The following BMPR1B variants were observed in gnomAD, a reference collection of about 807,000 sequenced individuals.
BMPR1B encodes the protein bone morphogenetic protein receptor type-1B.
A neutral mutation model predicts 59.1 loss-of-function variants in BMPR1B; 12 were observed. That is an observed-to-expected ratio of 0.20 (90% CI 0.13 to 0.33). The LOEUF is 0.33. BMPR1B is among the 10% of genes least tolerant of loss of function. BMPR1B has a pLI of 1.00. For missense variants in BMPR1B, 550 were observed against 610.9 expected, an observed-to-expected ratio of 0.90 and a Z score of 1.05; for synonymous variants, 237 against 207.3, an observed-to-expected ratio of 1.14 and a Z score of -1.23.
At chr4:94,970,297 T>C (rs1224722715) in intron 2 of BMPR1B, among the ~76,000 whole-genome samples, 1 of 65,634 alleles carries the variant, frequency 1.5e-5, no homozygotes, top group African/African-American at 7.0e-5. Context: ...TTCTCTTCTC[T>C]TCTCTTCTTT....
chr4:94,910,270 G>A (rs897485470), intron 2 of BMPR1B, among the ~76,000 whole-genome samples: 3 of 151,912 alleles, frequency 2.0e-5, no homozygotes, highest in African/African-American at 7.3e-5. Flanking sequence ...AAAACCTTTT[G>A]GCCTCATTAG....
chr4:95,033,852 C>T (rs542154858), intron 3 of BMPR1B, among the ~76,000 whole-genome samples: 6 of 152,216 alleles, frequency 3.9e-5, no homozygotes, highest in African/African-American at 1.4e-4. Context: ...GTCACTCCCT[C>T]CCACCCCTGG....
intron 2 of BMPR1B, among the ~76,000 whole-genome samples, chr4:94,905,934 G>A (rs1384826627): frequency 1.4e-5 from 2 of 144,640 alleles, no homozygotes; most frequent in Admixed American, 6.9e-5. Flanking sequence ...TTTTTGTCAC[G>A]AATAGACATT....
At chr4:95,115,907 T>C (rs758121253) in intron 6 of BMPR1B, 120 bp downstream of exon 6, 1 of 860,452 alleles carries the variant, frequency 1.2e-6, no homozygotes, top group Non-Finnish European at 1.9e-6. Context: ...AGCAGAGCAC[T>C]GAGGCCAGAT....
chr4:94,898,529 A>G (rs2148997208), intron 2 of BMPR1B, among the ~76,000 whole-genome samples: 1 of 152,064 alleles, frequency 6.6e-6, no homozygotes, highest in East Asian at 1.9e-4. Flanking sequence ...TCCTTTGCTC[A>G]GCGTTTCTTT....
At chr4:95,068,421 A>AG (rs1415314368) in intron 3 of BMPR1B, among the ~76,000 whole-genome samples, 2 of 152,130 alleles carry the variant, frequency 1.3e-5, no homozygotes, top group African/African-American at 4.8e-5. Flanking sequence ...GACTGCTGTC[A>AG]GGGCTACAGC....
In BMPR1B at chr4:95,038,344, G is replaced by T. The variant is rs144945999; in HGVS notation, c.-18+42210G>T. On this transcript the variant is annotated intron_variant, in intron 3 of 12. Transcript: ENST00000515059. ...TTTTGCAAGGACATCATAAGCATCC[G>T]GTCTAGGATTGGCAACTCTCTTATA... 1.9e-3 allele frequency among the ~76,000 whole-genome samples: 290 copies of T among 152,262 alleles called. 4 individuals carry two copies. In the East Asian group the frequency reaches 0.046, roughly 24 times the overall value.
At chr4:95,027,274 A>T (rs987457153) in intron 3 of BMPR1B, among the ~76,000 whole-genome samples, 1 of 152,182 alleles carries the variant, frequency 6.6e-6, no homozygotes, top group Non-Finnish European at 1.5e-5. Context: ...TATTTTATTT[A>T]AAAATAAAGT....
At chr4:95,054,808 T>C (rs1352700481) in intron 3 of BMPR1B, among the ~76,000 whole-genome samples, 1 of 152,192 alleles carries the variant, frequency 6.6e-6, no homozygotes, top group Non-Finnish European at 1.5e-5. Context: ...ACTAAAGGAC[T>C]CTGGGTTTGT....
At chr4:95,033,116 T>C (rs2149160329) in intron 3 of BMPR1B, among the ~76,000 whole-genome samples, 1 of 152,290 alleles carries the variant, frequency 6.6e-6, no homozygotes, top group South Asian at 2.1e-4. Flanking sequence ...CTAAGAGAAA[T>C]GTCCACTTTT....
At chr4:94,818,712 A>G (rs1194473122) in intron 1 of BMPR1B, among the ~76,000 whole-genome samples, 1 of 152,198 alleles carries the variant, frequency 6.6e-6, no homozygotes, top group African/African-American at 2.4e-5. Context: ...GTAATTACTT[A>G]TAATTGTGCA....
chr4:95,066,783 G>A (rs1187605763), intron 3 of BMPR1B, among the ~76,000 whole-genome samples: 5 of 152,126 alleles, frequency 3.3e-5, no homozygotes, highest in African/African-American at 1.2e-4. Flanking sequence ...TTTGAGCCCA[G>A]AGATCCATGT....
intron 1 of BMPR1B, among the ~76,000 whole-genome samples, chr4:94,799,350 C>T (rs1028538031): frequency 4.1e-4 from 62 of 149,756 alleles, no homozygotes; most frequent in African/African-American, 1.4e-3. Flanking sequence ...GTCGCCCAGT[C>T]TGCAGTGCAG....
chr4:94,905,280 C>A (rs894267170), intron 2 of BMPR1B, among the ~76,000 whole-genome samples: 3 of 152,144 alleles, frequency 2.0e-5, no homozygotes, highest in Non-Finnish European at 4.4e-5. Context: ...TTTAGACAGG[C>A]ATAGCAAATA....
At chr4:94,988,049 A>G (rs922980597) in intron 2 of BMPR1B, among the ~76,000 whole-genome samples, 25 of 152,280 alleles carry the variant, frequency 1.6e-4, no homozygotes, top group African/African-American at 5.8e-4. Flanking sequence ...TTTTTGATTT[A>G]GTGAGGATTA....
chr4:95,106,846 A>G (rs1025681179), intron 4 of BMPR1B, among the ~76,000 whole-genome samples: 8 of 151,928 alleles, frequency 5.3e-5, no homozygotes, highest in African/African-American at 1.9e-4. Context: ...AGGAGGCTGT[A>G]TCCGTGCTGC....
intron 1 of BMPR1B, among the ~76,000 whole-genome samples, chr4:94,777,645 G>T (rs899246028): frequency 6.6e-6 from 1 of 152,126 alleles, no homozygotes; most frequent in Non-Finnish European, 1.5e-5. Context: ...ATGGTTCTGT[G>T]TTTTGTGAAA....
intron 2 of BMPR1B, among the ~76,000 whole-genome samples, chr4:94,943,573 GC>G (rs1056871317): frequency 5.3e-5 from 8 of 152,160 alleles, no homozygotes; most frequent in African/African-American, 1.9e-4. Flanking sequence ...TTAGGATAGT[GC>G]CCTGTACCAA....
intron 3 of BMPR1B, among the ~76,000 whole-genome samples, chr4:95,073,580 G>A (rs768463819): frequency 3.9e-5 from 6 of 152,102 alleles, no homozygotes; most frequent in Non-Finnish European, 7.4e-5. Context: ...AGAATTGGAT[G>A]AGGGACTGAA....
Sources: allele counts gnomAD v4.1 joint callset (sites outside exome capture counted in the v4.1 genomes callset), GRCh38; gene constraint gnomAD v4.1.1; transcripts MANE v1.5; gene names NCBI Gene and HGNC (gene_info 2026-07-23, HGNC 2026-07-21).